The following DLGAP2 variants were observed in gnomAD, a reference collection of about 807,000 sequenced individuals.
DLGAP2 encodes the protein disks large-associated protein 2.
A neutral mutation model predicts 100.3 loss-of-function variants in DLGAP2; 26 were observed. That is an observed-to-expected ratio of 0.26 (90% confidence interval 0.19 to 0.36). The LOEUF (loss-of-function observed/expected upper bound fraction) is 0.36. Ranked by LOEUF, DLGAP2 falls within the 10% of genes least tolerant of loss-of-function variation. The pLI is 1.00. For synonymous variants in DLGAP2, 886 were observed against 630.1 expected (o/e 1.41, Z -6.08); for missense variants, 1,858 against 1,453.2 (o/e 1.28, Z -4.53).
chr8:882,110 T>G (rs1296024613), intron 1 of DLGAP2, among the ~76,000 whole-genome samples: 1 of 152,212 alleles, frequency 6.6e-6, no homozygotes, highest in African/African-American at 2.4e-5. Flanking sequence ...ATACTTGAAA[T>G]GGCTCCTTAA....
At chr8:1,366,037 TC>T (rs1332707752) in intron 3 of DLGAP2, among the ~76,000 whole-genome samples, 2 of 152,200 alleles carry the variant, frequency 1.3e-5, no homozygotes, top group Non-Finnish European at 2.9e-5. Context: ...AGAGGTGCCA[TC>T]CCAGGAACCG....
intron 1 of DLGAP2, among the ~76,000 whole-genome samples, chr8:865,478 G>A (rs1031112381): frequency 3.3e-5 from 5 of 152,134 alleles, no homozygotes; most frequent in African/African-American, 9.7e-5. Context: ...TCTCAGTGTT[G>A]ATCAGATTCT....
intron 2 of DLGAP2, among the ~76,000 whole-genome samples, chr8:1,194,036 C>G (rs949659854): frequency 6.6e-6 from 1 of 152,142 alleles, no homozygotes; most frequent in African/African-American, 2.4e-5. Context: ...ACCAAATCCA[C>G]GTACTGTGAC....
intron 3 of DLGAP2, among the ~76,000 whole-genome samples, chr8:1,374,994 G>T (rs918434559): frequency 2.0e-5 from 3 of 151,720 alleles, no homozygotes; most frequent in Non-Finnish European, 4.4e-5. Context: ...CCGGGGCGCT[G>T]TCCTCACTGA....
chr8:1,621,331 G>A (rs898180098), intron 6 of DLGAP2: 1 of 152,902 alleles, frequency 6.5e-6, no homozygotes, highest in Admixed American at 6.5e-5. Flanking sequence ...GCCAGAGGAG[G>A]TTGTCCACAC....
At chr8:1,430,007 C>CATATATATATATATATATATAT (rs60682299) in intron 3 of DLGAP2, among the ~76,000 whole-genome samples, 12 of 54,376 alleles carry the variant, frequency 2.2e-4, no homozygotes, top group Admixed American at 3.0e-4. Context: ...CATATATATA[C>CATATATATATATATATATATAT]ATATATATAT....
chr8:1,507,538 G>A (rs937509577), intron 4 of DLGAP2, among the ~76,000 whole-genome samples: 4 of 152,040 alleles, frequency 2.6e-5, no homozygotes, highest in African/African-American at 7.2e-5. Context: ...AGAGGGAGCC[G>A]GCTCCGGCCT....
At chr8:1,158,336 G>T (rs111907329) in intron 2 of DLGAP2, among the ~76,000 whole-genome samples, 1 of 152,228 alleles carries the variant, frequency 6.6e-6, no homozygotes, top group Non-Finnish European at 1.5e-5. Context: ...TGTGTTATAT[G>T]TGCATGTATG....
At chr8:1,606,820 T>A (rs75398130) in intron 6 of DLGAP2, among the ~76,000 whole-genome samples, 4,437 of 152,124 alleles carry the variant, frequency 0.029, 203 homozygotes, top group African/African-American at 0.099. Context: ...AGTAGCTGGG[T>A]CCACAGATGT....
intron 1 of DLGAP2, among the ~76,000 whole-genome samples, chr8:811,804 A>G (rs1201140951): frequency 6.6e-6 from 1 of 152,282 alleles, no homozygotes; most frequent in African/African-American, 2.4e-5. Context: ...TGAAGCTCCC[A>G]TCAAAGGATA....
intron 6 of DLGAP2, among the ~76,000 whole-genome samples, chr8:1,622,817 C>G (rs1797380726): frequency 6.6e-6 from 1 of 152,162 alleles, no homozygotes; most frequent in South Asian, 2.1e-4. Context: ...AGAGAGATAA[C>G]CAAAGGGGCT....
At chr8:1,457,407 C>T (rs752362980) in intron 3 of DLGAP2, among the ~76,000 whole-genome samples, 7 of 152,070 alleles carry the variant, frequency 4.6e-5, no homozygotes, top group East Asian at 3.9e-4. Flanking sequence ...CTGTGTATGC[C>T]GTAAGAAATT....
chr8:1,535,807 G>A (rs1801136803), intron 4 of DLGAP2, among the ~76,000 whole-genome samples: 1 of 152,146 alleles, frequency 6.6e-6, no homozygotes, highest in Non-Finnish European at 1.5e-5. Flanking sequence ...GAGACTTGCA[G>A]GGCATTGAAG....
At chr8:1,275,468 G>A (rs1799663622) in intron 3 of DLGAP2, among the ~76,000 whole-genome samples, 1 of 151,734 alleles carries the variant, frequency 6.6e-6, no homozygotes, top group Admixed American at 6.6e-5. Flanking sequence ...GCCATCCGGA[G>A]ATGACTTCAT....
At chr8:1,587,721 A>T (rs939361607) in intron 6 of DLGAP2, among the ~76,000 whole-genome samples, 19 of 152,138 alleles carry the variant, frequency 1.2e-4, no homozygotes, top group African/African-American at 3.9e-4. Flanking sequence ...CTTTCTTTAA[A>T]TTACTTTTTC....
chr8:848,864 T>TCGCGTGGTGTCTGTTCCAGAATAGGAA (rs1797121198), intron 1 of DLGAP2, among the ~76,000 whole-genome samples: 1 of 130,250 alleles, frequency 7.7e-6, no homozygotes, highest in Non-Finnish European at 1.7e-5. Flanking sequence ...CAGCATAGGA[T>TCGCGTGGTGTCTGTTCCAGAATAGGAA]CGCGCGGTGT....
chr8:1,313,359 A>C (rs1800656167), intron 3 of DLGAP2, among the ~76,000 whole-genome samples: 1 of 152,172 alleles, frequency 6.6e-6, no homozygotes. Flanking sequence ...TGTCTTCTTC[A>C]CCACTGGATT....
At chr8:1,170,757 A>G (rs906276178) in intron 2 of DLGAP2, among the ~76,000 whole-genome samples, 6 of 149,454 alleles carry the variant, frequency 4.0e-5, no homozygotes, top group African/African-American at 1.5e-4. Context: ...TATTGCATCT[A>G]TTTGATTCTT....
At chr8:1,420,253 T>G (rs1273005999) in intron 3 of DLGAP2, among the ~76,000 whole-genome samples, 1 of 152,298 alleles carries the variant, frequency 6.6e-6, no homozygotes, top group East Asian at 1.9e-4. Context: ...AAGGGCTGGC[T>G]GGGAATGACT....
Sources: allele counts gnomAD v4.1 joint callset (sites outside exome capture counted in the v4.1 genomes callset), GRCh38; gene constraint gnomAD v4.1.1; transcripts MANE v1.5; gene names NCBI Gene and HGNC (gene_info 2026-07-23, HGNC 2026-07-21).